OSBPL1A: variants seen among roughly 807,000 people sequenced by gnomAD.
The protein encoded by OSBPL1A is oxysterol binding protein like 1A.
Under a neutral mutation model 137.1 loss-of-function variants are expected in OSBPL1A, and 80 were observed. The ratio of observed to expected loss-of-function variants is 0.58; its 90% CI spans 0.49 to 0.70. The LOEUF is 0.70. OSBPL1A is among the 30% of genes least tolerant of loss of function. The pLI is 0.00. For synonymous variants in OSBPL1A, 365 were observed against 389.7 expected (o/e 0.94, Z 0.75); for missense variants, 970 against 1,129.4 (o/e 0.86, Z 2.02).
intron 2 of OSBPL1A, among the ~76,000 whole-genome samples, chr18:24,372,118 T>A (rs1281123212): frequency 2.0e-5 from 3 of 151,206 alleles, no homozygotes; most frequent in African/African-American, 7.3e-5. Context: ...CTACAAAAAA[T>A]ACAAAAATCA....
At chr18:24,175,115 T>TATATATAC (rs2086402383) in intron 21 of OSBPL1A, among the ~76,000 whole-genome samples, 6 of 29,198 alleles carry the variant, frequency 2.1e-4, no homozygotes, top group African/African-American at 4.2e-4. Context: ...TATGTATATA[T>TATATATAC]ATATATATAT....
intron 9 of OSBPL1A, among the ~76,000 whole-genome samples, chr18:24,318,264 T>C (rs2090772608): frequency 6.6e-6 from 1 of 151,856 alleles, no homozygotes; most frequent in Non-Finnish European, 1.5e-5. Context: ...GCCAAGGTGT[T>C]GAACCCTCGT....
rs1189540582 is a variant in OSBPL1A at position 24,318,663 on chromosome 18, T to C, written c.688-18A>G. On this transcript the variant is annotated intron_variant, in intron 8 of 27. Coordinates refer to ENST00000319481, the MANE Select transcript of OSBPL1A (RefSeq NM_080597.4). ...TAGATGACCTGTCAAAAACATGTTTTCATGAAAAATGCATCTACATATTTC... is the reference window on the plus strand; with the variant it reads ...TAGATGACCTGTCAAAAACATGTTTCCATGAAAAATGCATCTACATATTTC... 6.2e-7 allele frequency: 1 copy of C among 1,608,408 alleles called. No individual in the cohort carries two copies. Among genetic ancestry groups the C allele is most frequent in the Non-Finnish European group, 8.5e-7 (1 of 1,178,612 alleles).
At chr18:24,283,264 CAA>C (rs67218844) in intron 14 of OSBPL1A, among the ~76,000 whole-genome samples, 1 of 30,720 alleles carries the variant, frequency 3.3e-5, no homozygotes, top group African/African-American at 1.3e-4. Flanking sequence ...GACTCCATCT[CAA>C]AAAAAAAAAA....
intron 15 of OSBPL1A, among the ~76,000 whole-genome samples, chr18:24,245,029 C>A (rs993022947): frequency 6.6e-6 from 1 of 152,202 alleles, no homozygotes; most frequent in African/African-American, 2.4e-5. Flanking sequence ...ATAAGCCTTA[C>A]TCTTTCCTCT....
At chr18:24,186,112 T>C (rs1463081926) in intron 18 of OSBPL1A, among the ~76,000 whole-genome samples, 1 of 152,156 alleles carries the variant, frequency 6.6e-6, no homozygotes, top group African/African-American at 2.4e-5. Flanking sequence ...TGATGAATCA[T>C]ACTTTAGGAA....
chr18:24,341,633 T>C lies in OSBPL1A; in HGVS notation c.308A>G (p.Tyr103Cys). The C allele has an allele frequency of 6.2e-7, 1 of 1,610,166 alleles. No homozygotes were observed. Among genetic ancestry groups the C allele is most frequent in the Non-Finnish European group, 8.5e-7 (1 of 1,178,256 alleles). Residue 103 changes from tyrosine (Y) to cysteine (C), a missense_variant, in exon 5 of 28, where the codon TAT becomes TGT. By Grantham distance (194) the Tyr-to-Cys change is radical (BLOSUM62 -2). Transcript: ENST00000319481. The stretch of plus-strand genomic sequence containing the variant: ...ATTAACAATAGTAGTATCAGCATTA[T>C]ATTCTAAGAGAAGCATTACCAACTC... ...RKELVMLLLEYNADTTIVNGS... is the reference protein window; with the variant it reads ...RKELVMLLLECNADTTIVNGS...
At chr18:24,172,544 C>T in intron 21 of OSBPL1A, 61 bp from the exon 22 acceptor site, 3 of 1,197,316 alleles carry the variant, frequency 2.5e-6, no homozygotes, top group Non-Finnish European at 3.7e-6. Flanking sequence ...TTAAAAAGTA[C>T]ACTTGTTCCA....
intron 1 of OSBPL1A, among the ~76,000 whole-genome samples, chr18:24,392,719 C>A (rs1907445026): frequency 6.6e-6 from 1 of 152,152 alleles, no homozygotes; most frequent in Admixed American, 6.5e-5. Context: ...GAAACAGGGT[C>A]TCAGTCAATT....
At chr18:24,379,642 A>G (rs1906442598) in intron 1 of OSBPL1A, among the ~76,000 whole-genome samples, 1 of 152,044 alleles carries the variant, frequency 6.6e-6, no homozygotes, top group Non-Finnish European at 1.5e-5. Flanking sequence ...CCGAGGTGGT[A>G]GGATCACTTG....
chr18:24,242,371 T>C (rs1409817662), intron 15 of OSBPL1A, among the ~76,000 whole-genome samples: 5 of 151,574 alleles, frequency 3.3e-5, no homozygotes, highest in Admixed American at 2.0e-4. Flanking sequence ...AGAAAAGCAC[T>C]GGATGGAGTG....
At chr18:24,344,187 C>A (rs575305530) in intron 4 of OSBPL1A, among the ~76,000 whole-genome samples, 4 of 152,170 alleles carry the variant, frequency 2.6e-5, no homozygotes, top group African/African-American at 7.2e-5. Context: ...AATAAGCCCA[C>A]GAAGGTAATC....
Position 24,171,434 on chromosome 18 carries a change from C to T in OSBPL1A, c.2266G>A (p.Val756Ile), listed in dbSNP as rs762742832. ...CGLFGKELHK[V>I]EGYIQDKSKK... ...CTTTTATCTTGAATGTAGCCTTCAA[C>T]TTTGTGTAATTCCTTACCAAAAAGG... Residue 756 changes from valine to isoleucine, a missense_variant, in exon 23 of 28, where the codon GTT (valine) becomes ATT (isoleucine). Val to Ile is a conservative substitution (Grantham distance 29, BLOSUM62 3). Coordinates refer to ENST00000319481, the MANE Select transcript of OSBPL1A (RefSeq NM_080597.4). 6.2e-7 allele frequency: 1 copy of T among 1,613,660 alleles called. No homozygotes were observed. Among genetic ancestry groups the T allele is most frequent in the Admixed American group, 1.7e-5 (1 of 59,960 alleles).
intron 7 of OSBPL1A, among the ~76,000 whole-genome samples, chr18:24,322,180 G>A (rs1272672452): frequency 6.8e-6 from 1 of 147,102 alleles, no homozygotes; most frequent in African/African-American, 2.5e-5. Context: ...CACCATCTCA[G>A]CTCACTGCAA....
intron 24 of OSBPL1A, 77 bp from the exon 25 acceptor site, chr18:24,167,522 C>A: frequency 8.7e-7 from 1 of 1,143,254 alleles, no homozygotes; most frequent in Non-Finnish European, 1.3e-6. Flanking sequence ...ATGACATTTT[C>A]AGTCAACAAC....
chr18:24,227,252 G>A (rs2088113762), intron 16 of OSBPL1A, among the ~76,000 whole-genome samples: 1 of 151,766 alleles, frequency 6.6e-6, no homozygotes, highest in Non-Finnish European at 1.5e-5. Flanking sequence ...GTCAATTTTG[G>A]CAGAAGGAAA....
intron 16 of OSBPL1A, among the ~76,000 whole-genome samples, chr18:24,233,735 G>A (rs1438424306): frequency 6.6e-6 from 1 of 151,776 alleles, no homozygotes; most frequent in African/African-American, 2.4e-5. Context: ...TGCAACCTCC[G>A]CCTCCCAGGT....
intron 17 of OSBPL1A, among the ~76,000 whole-genome samples, chr18:24,212,954 A>G (rs2087587047): frequency 6.6e-6 from 1 of 152,224 alleles, no homozygotes; most frequent in African/African-American, 2.4e-5. Context: ...CATGACTGTT[A>G]TTATAATGTA....
chr18:24,170,632 T>C, intron 23 of OSBPL1A, 179 bp from the exon 24 acceptor site: 1 of 612,050 alleles, frequency 1.6e-6, no homozygotes, highest in Non-Finnish European at 2.9e-6. Context: ...ACTGTTTTGC[T>C]GCAATTGAAT....
Sources: gnomAD v4.1 joint callset for allele counts (sites outside exome capture counted in the v4.1 genomes callset) on GRCh38, gnomAD v4.1.1 for gene constraint, MANE v1.5 for transcripts, NCBI Gene and HGNC (gene_info 2026-07-23, HGNC 2026-07-21) for gene names.